Variants in SMC5 observed in about 807,000 individuals in gnomAD.
The protein encoded by SMC5 is structural maintenance of chromosomes 5.
In SMC5, 88 loss-of-function variants were observed where a neutral mutation model predicts 148.3. The ratio of observed to expected loss-of-function variants is 0.59; its 90% confidence interval spans 0.50 to 0.71. The LOEUF is 0.71. Among genes scored for constraint, SMC5 ranks in the 30% least tolerant of loss-of-function variants. The pLI is 0.00. For missense variants in SMC5, 1,142 were observed against 1,298.9 expected (o/e 0.88, Z 1.86); for synonymous variants, 421 against 432.8 (o/e 0.97, Z 0.34).
In SMC5 at chr9:70,270,189, C is replaced by T. The variant is rs148883991; in HGVS notation, c.380+2214C>T. ...AAATTGAGGTTCTCAGGACCCCTTT[C>T]TTGGTCCAGTTATTTGCTAGGATGG... is the stretch of plus-strand genomic sequence containing the variant. On this transcript the variant is annotated intron_variant, in intron 3 of 24. Coordinates refer to ENST00000361138, the MANE Select transcript of SMC5 (RefSeq NM_015110.4). Among the ~76,000 whole-genome samples the T allele has an allele frequency of 3.9e-3, 599 of 152,280 alleles. 3 individuals are homozygous for T. Among genetic ancestry groups the T allele is most frequent in the African/African-American group, 0.013 (554 of 41,552 alleles).
chr9:70,327,432 G>A (rs2036109443), intron 17 of SMC5, among the ~76,000 whole-genome samples: 1 of 152,140 alleles, frequency 6.6e-6, no homozygotes, highest in Admixed American at 6.5e-5. Flanking sequence ...GAGGATACTG[G>A]GGAACTGGCT....
chr9:70,300,546 T>C (rs1479639912), intron 10 of SMC5, among the ~76,000 whole-genome samples: 1 of 152,050 alleles, frequency 6.6e-6, no homozygotes, highest in Non-Finnish European at 1.5e-5. Flanking sequence ...AGAATGCTGC[T>C]GTAAATAGGT....
At chr9:70,307,157 C>T (rs555103748) in intron 11 of SMC5, among the ~76,000 whole-genome samples, 1 of 152,286 alleles carries the variant, frequency 6.6e-6, no homozygotes, top group South Asian at 2.1e-4. Context: ...CTTTAGGAGG[C>T]CAAGGCAGAC....
intron 3 of SMC5, 105 bp from the exon 4 acceptor site, chr9:70,277,205 A>C (rs1224571538): frequency 2.2e-6 from 2 of 896,530 alleles, no homozygotes; most frequent in Non-Finnish European, 3.0e-6. Flanking sequence ...AATCATAATA[A>C]TAATTCTATC....
intron 2 of SMC5, among the ~76,000 whole-genome samples, chr9:70,264,706 C>T (rs184576956): frequency 6.6e-6 from 1 of 152,120 alleles, no homozygotes; most frequent in East Asian, 1.9e-4. Context: ...AAATGCATCA[C>T]TTGGCTTGTG....
intron 17 of SMC5, among the ~76,000 whole-genome samples, chr9:70,333,041 T>A (rs2036262456): frequency 6.6e-6 from 1 of 152,152 alleles, no homozygotes; most frequent in South Asian, 2.1e-4. Context: ...CCCTTACCAC[T>A]TCTAGTCCAC....
In SMC5 at chr9:70,318,918, C is replaced by T. The variant is rs567018664; in HGVS notation, c.2105C>T (p.Thr702Ile). 2 of 1,610,794 alleles carry T rather than the reference C, an allele frequency of 1.2e-6. No individual in the cohort carries two copies. The highest frequency in any genetic ancestry group is 3.4e-5 in the Admixed American group (2 of 59,496). The change falls in exon 15 of 25, where the codon ACC becomes ATC. Residue 702 changes from threonine (T) to isoleucine (I), a missense_variant. Around this residue, in one of 5 missense-constraint regions of SMC5, gnomAD observed 743 missense variants for 835.7 expected, o/e 0.89. Coordinates refer to ENST00000361138, the MANE Select transcript of SMC5 (RefSeq NM_015110.4). ...AAGAAGGAGCTTCTTGAGAGAAAAA[C>T]CAAGAAAAGACAACTGGAACAAAAA... is the stretch of plus-strand genomic sequence containing the variant. Reference protein sequence around the residue: ...QKKKELLERKTKKRQLEQKIS... With the variant: ...QKKKELLERKIKKRQLEQKIS...
chr9:70,313,497 T>C (rs1475705711), intron 11 of SMC5, among the ~76,000 whole-genome samples: 1 of 151,968 alleles, frequency 6.6e-6, no homozygotes, highest in Admixed American at 6.6e-5. Flanking sequence ...TTTGTTTTGT[T>C]TTGTTTTTGT....
At chr9:70,288,883 T>C (rs76558197) in intron 8 of SMC5, among the ~76,000 whole-genome samples, 280 of 152,354 alleles carry the variant, frequency 1.8e-3, no homozygotes, top group Admixed American at 3.5e-3. Context: ...TTTGTACCTA[T>C]TCTTCATGTA....
At position 70,347,171 on chromosome 9, in the gene SMC5, T is replaced by G; in HGVS notation, c.2664+10T>G. On this transcript the variant is annotated intron_variant, in intron 20 of 24. Coordinates refer to ENST00000361138, the MANE Select transcript of SMC5 (RefSeq NM_015110.4). ...GGGACTGAATCCTACAGTATGCCTG[T>G]TTCTCTATTCCCATTCTGCATCCAA... is the stretch of plus-strand genomic sequence containing the variant. 1 of 1,610,552 alleles carries G rather than the reference T, an allele frequency of 6.2e-7. No individual in the cohort carries two copies.
intron 15 of SMC5, among the ~76,000 whole-genome samples, chr9:70,320,926 A>C (rs2035926964): frequency 6.6e-6 from 1 of 152,174 alleles, no homozygotes; most frequent in Non-Finnish European, 1.5e-5. Context: ...ATTTATTCTA[A>C]AGCACTAGCA....
chr9:70,291,182 A>G (rs1388918488), intron 8 of SMC5, among the ~76,000 whole-genome samples: 1 of 152,136 alleles, frequency 6.6e-6, no homozygotes, highest in East Asian at 1.9e-4. Flanking sequence ...AGTCACTACT[A>G]GGTTAGTTTA....
intron 8 of SMC5, among the ~76,000 whole-genome samples, chr9:70,292,185 G>A (rs958774834): frequency 1.2e-4 from 19 of 152,078 alleles, no homozygotes; most frequent in African/African-American, 4.6e-4. Flanking sequence ...CACCATTCCT[G>A]ATGACATCCA....
At chr9:70,337,832 T>C (rs1404485962) in intron 17 of SMC5, among the ~76,000 whole-genome samples, 1 of 144,876 alleles carries the variant, frequency 6.9e-6, no homozygotes, top group African/African-American at 2.5e-5. Context: ...GGGTTTTGTT[T>C]TTAATCAGTG....
At chr9:70,314,350 G>T (rs1443554080) in intron 11 of SMC5, among the ~76,000 whole-genome samples, 1 of 151,996 alleles carries the variant, frequency 6.6e-6, no homozygotes, top group African/African-American at 2.4e-5. Context: ...TCTTTCTTTT[G>T]TCCATCTCCA....
intron 16 of SMC5, 145 bp downstream of exon 16, chr9:70,323,751 G>T: frequency 9.9e-7 from 1 of 1,013,896 alleles, no homozygotes; most frequent in South Asian, 1.8e-5. Flanking sequence ...ATCAGTTTCA[G>T]CTTGCTTAGT....
Position 70,264,371 on chromosome 9 carries a change from G to A in SMC5, c.253G>A (p.Gly85Arg). Residue 85 changes from glycine to arginine, a missense_variant, in exon 2 of 25, where the codon GGG becomes AGG. This residue lies in a region of SMC5 where 297 missense variants were observed against 302.6 expected (regional missense o/e 0.98). Transcript: ENST00000361138. ...LNMIVGANGT[G>R]KSSIVCAICL... ...TATGATCGTTGGAGCCAATGGAACAGGGAAGTCGAGCATTGTGTGTGCCAT... is the reference window on the plus strand; with the variant it reads ...TATGATCGTTGGAGCCAATGGAACAAGGAAGTCGAGCATTGTGTGTGCCAT... 6.2e-7 allele frequency: 1 copy of A among 1,614,076 alleles called. No homozygotes were observed. The highest frequency in any genetic ancestry group is 1.1e-5 in the South Asian group (1 of 91,076).
intron 8 of SMC5, among the ~76,000 whole-genome samples, chr9:70,292,389 C>CT (rs1361492872): frequency 1.3e-5 from 2 of 151,964 alleles, no homozygotes; most frequent in African/African-American, 4.8e-5. Flanking sequence ...GACTTAATTT[C>CT]TTTTTTTTCT....
rs34919823 is a variant in SMC5 at position 70,286,717 on chromosome 9, C to CTT, written c.1053+466_1053+467dup. 527 of 117,430 alleles carry CTT rather than the reference C, an allele frequency of 4.5e-3. 2 individuals carry two copies. Among genetic ancestry groups the CTT allele is most frequent in the African/African-American group, 0.013 (399 of 30,418 alleles). The allele number at this position is 117,430 out of a possible 1,614,324, so 7.3% of individuals were successfully genotyped here. A position where few individuals can be genotyped will look rare whatever the true frequency, so the allele number is the denominator to read the frequency against. ...ATACTTAAACTATGGAACTTTTCGT[C>CTT]TTTTTTTTTTTTTTTTTTTTTGAGA... On this transcript the variant is annotated intron_variant, in intron 8 of 24. Transcript: ENST00000361138.
Sources: allele counts gnomAD v4.1 joint callset (sites outside exome capture counted in the v4.1 genomes callset), GRCh38; gene constraint gnomAD v4.1.1; regional missense constraint gnomAD v4.1.1; transcripts MANE v1.5; gene names NCBI Gene and HGNC (gene_info 2026-07-23, HGNC 2026-07-21).